Variants in KHDC4 observed in about 807,000 individuals in gnomAD.
KHDC4 encodes KH homology domain-containing protein 4.
In KHDC4, 19 loss-of-function variants were observed where a neutral mutation model predicts 74.5. The observed-to-expected ratio is 0.26, with a 90% CI of 0.18 to 0.37. The LOEUF (loss-of-function observed/expected upper bound fraction) is 0.37. KHDC4 is among the 10% of genes least tolerant of loss of function. The pLI is 1.00. For synonymous variants in KHDC4, 253 were observed against 266.1 expected (o/e 0.95, Z 0.48); for missense variants, 632 against 754.1 (o/e 0.84, Z 1.90).
At chr1:155,929,668 A>C (rs751728102) in intron 3 of KHDC4, 44 bp downstream of exon 3, 1 of 1,589,772 alleles carries the variant, frequency 6.3e-7, no homozygotes, top group South Asian at 1.2e-5. Flanking sequence ...TCTTTATCTG[A>C]ATCCACTCAC....
rs1366822928 is a variant in KHDC4, at chr1:155,916,660, T to G, written c.1518A>C (p.Pro506=). The G allele has an allele frequency of 6.2e-7, 1 of 1,613,726 alleles. No individual in the cohort carries two copies. Among genetic ancestry groups the G allele is most frequent in the East Asian group, 2.2e-5 (1 of 44,878 alleles). ...CTCTCTCTTTGCCTGAGGAACTTGC[T>G]GGCTTCGATCCTGCACCTTCAATCT... ...QNEIEGAGSK[P]ASSSGKERER... is the part of the protein sequence containing the mutation. Residue 506 remains proline, a synonymous_variant, in exon 12 of 14, where the codon CCA becomes CCC. Coordinates refer to ENST00000368321, the MANE Select transcript of KHDC4 (RefSeq NM_014949.4).
At chr1:155,925,029 A>ATTTT (rs34219961) in intron 7 of KHDC4, among the ~76,000 whole-genome samples, 2 of 138,012 alleles carry the variant, frequency 1.4e-5, no homozygotes, top group Non-Finnish European at 1.5e-5. Context: ...CACCTGGCTA[A>ATTTT]TTTTTTTTTT....
intron 11 of KHDC4, 46 bp downstream of exon 11, chr1:155,917,453 G>C: frequency 7.1e-7 from 1 of 1,413,132 alleles, no homozygotes; most frequent in Non-Finnish European, 1.0e-6. Flanking sequence ...GGAGAATATA[G>C]TAGAAGAATA....
chr1:155,915,659 C>G (rs1226466950), intron 13 of KHDC4: 14 of 478,852 alleles, frequency 2.9e-5, no homozygotes, highest in Non-Finnish European at 5.1e-5. Context: ...AGGCGCCCAC[C>G]ACCATGCCCG....
chr1:155,923,552 G>A lies in KHDC4; in HGVS notation c.954+75C>T, dbSNP rs561778611. ...ATAGCAGTACTAGGAAACTAAACAG[G>A]TGAAAGAAACAGCTAAGACATACTC... On this transcript the variant is annotated intron_variant, in intron 8 of 13. Transcript: ENST00000368321. 1.6e-4 allele frequency: 177 copies of A among 1,115,466 alleles called. 1 individual carries two copies. The African/African-American group carries it at 2.4e-3, about 15-fold the overall frequency. The allele number at this position is 1,115,466 out of a possible 1,614,324, so 69.1% of individuals were successfully genotyped here.
intron 10 of KHDC4, 98 bp downstream of exon 10, chr1:155,921,277 C>T: frequency 7.1e-7 from 1 of 1,401,826 alleles, no homozygotes; most frequent in Non-Finnish European, 9.9e-7. Context: ...AAAGACATTC[C>T]ACATCACATG....
Position 155,929,792 on chromosome 1 carries a change from G to T in KHDC4, c.304C>A (p.Leu102Met). The T allele has an allele frequency of 6.2e-7, 1 of 1,611,580 alleles. No homozygotes were observed. Among genetic ancestry groups the T allele is most frequent in the Non-Finnish European group, 8.5e-7 (1 of 1,178,982 alleles). Residue 102 changes from leucine (L) to methionine (M), a missense_variant, in exon 3 of 14, where the codon CTG (leucine) becomes ATG (methionine). By Grantham distance (15) the Leu-to-Met change is conservative. Transcript: ENST00000368321. ...TTAATTTCTACTTCAGCTACCACCA[G>T]GTCATCCTTGCTTTTATTGCTAGTT... is the stretch of plus-strand genomic sequence containing the variant. The part of the protein sequence containing the change: ...GLTSNKSKDD[L>M]VVAEVEINDV...
intron 4 of KHDC4, 132 bp downstream of exon 4, chr1:155,929,164 T>C (rs1674090298): frequency 1.3e-5 from 8 of 626,606 alleles, no homozygotes; most frequent in South Asian, 1.1e-4. Context: ...AATTCTGCTA[T>C]AGTGTGCACA....
rs749460932 is a variant in KHDC4 at position 155,934,381 on chromosome 1, G to C, written c.-8C>G. 1.2e-6 allele frequency: 2 copies of C among 1,611,702 alleles called. No individual in the cohort carries two copies. The highest frequency in any genetic ancestry group is 2.2e-5 in the South Asian group (2 of 91,026). ...CGCGCTCCCCGCGGACATGGCGACC[G>C]CTTCTACTCAACCACCCGCCAACTA... On this transcript the variant is annotated 5_prime_UTR_variant, in exon 1 of 14. Transcript: ENST00000368321.
rs1262618430 is a variant in KHDC4 at position 155,913,111 on chromosome 1, G to A, written c.*1010C>T. ...TATTTACAACATATAGGAAACCAGA[G>A]GATAAGTTTATACAAAGCCAGCCTG... On this transcript the variant is annotated 3_prime_UTR_variant, in exon 14 of 14. Coordinates refer to ENST00000368321, the MANE Select transcript of KHDC4 (RefSeq NM_014949.4). 6.6e-6 allele frequency: 1 copy of A among 152,626 alleles called. No homozygotes were observed. Among genetic ancestry groups the A allele is most frequent in the African/African-American group, 2.4e-5 (1 of 41,408 alleles). The allele number at this position is 152,626 out of a possible 1,614,324, so 9.5% of individuals were successfully genotyped here. A position where few individuals can be genotyped will look rare whatever the true frequency, so the allele number is the denominator to read the frequency against.
chr1:155,927,937 T>C (rs1393830987), intron 4 of KHDC4, among the ~76,000 whole-genome samples: 1 of 149,062 alleles, frequency 6.7e-6, no homozygotes, highest in Non-Finnish European at 1.5e-5. Flanking sequence ...CATCAACTGA[T>C]AATTTAGATT....
chr1:155,918,971 G>GTTTTTTTT (rs66693073), intron 10 of KHDC4, among the ~76,000 whole-genome samples: 1 of 107,450 alleles, frequency 9.3e-6, no homozygotes. Flanking sequence ...CTAACTCCCA[G>GTTTTTTTT]TTTTTTTTTT....
At chr1:155,916,093 T>A (rs12408063) in intron 12 of KHDC4, 129 bp from the exon 13 acceptor site, 19 of 645,218 alleles carry the variant, frequency 2.9e-5, no homozygotes, top group Middle Eastern at 3.6e-4. Context: ...TTTCAACCCC[T>A]TCCACCTTCC....
intron 2 of KHDC4, chr1:155,932,365 G>A (rs1674159027): frequency 2.2e-5 from 3 of 138,284 alleles, no homozygotes; most frequent in African/African-American, 2.5e-5. Flanking sequence ...ACACAATGCA[G>A]GTATATATTA....
intron 12 of KHDC4, 79 bp from the exon 13 acceptor site, chr1:155,916,043 A>G: frequency 1.2e-6 from 1 of 832,064 alleles, no homozygotes; most frequent in Non-Finnish European, 2.0e-6. Flanking sequence ...AAGTGCAATT[A>G]TGTCTGCAGA....
intron 4 of KHDC4, 85 bp from the exon 5 acceptor site, chr1:155,927,241 T>G: frequency 9.5e-7 from 1 of 1,051,934 alleles, no homozygotes; most frequent in Non-Finnish European, 1.5e-6. Flanking sequence ...TAATTTGTAA[T>G]GTTTCAAGTT....
intron 2 of KHDC4, chr1:155,932,390 G>C (rs1414812014): frequency 2.4e-5 from 1 of 41,836 alleles, no homozygotes; most frequent in African/African-American, 4.0e-5. Context: ...CGAGAAAGCT[G>C]AGTTTCATTA....
At chr1:155,931,036 A>T (rs941753817) in intron 2 of KHDC4, among the ~76,000 whole-genome samples, 3 of 152,024 alleles carry the variant, frequency 2.0e-5, no homozygotes, top group Non-Finnish European at 4.4e-5. Context: ...AAATTACAAA[A>T]AAAGGCTGGG....
intron 12 of KHDC4, 48 bp downstream of exon 12, chr1:155,916,577 T>C: frequency 6.3e-6 from 8 of 1,267,054 alleles, no homozygotes; most frequent in Non-Finnish European, 9.1e-6. Context: ...TCACTAATGG[T>C]GCAAACAAAT....
Sources: allele counts gnomAD v4.1 joint callset (sites outside exome capture counted in the v4.1 genomes callset), GRCh38; gene constraint gnomAD v4.1.1; transcripts MANE v1.5; gene names NCBI Gene and HGNC (gene_info 2026-07-23, HGNC 2026-07-21).